The following DNAH14 variants were observed in gnomAD, a reference collection of about 807,000 sequenced individuals.
DNAH14 encodes the protein dynein axonemal heavy chain 14, also known as axonemal beta dynein heavy chain 14.
Under a neutral mutation model 520.9 loss-of-function variants are expected in DNAH14, and 478 were observed. That is an observed-to-expected ratio of 0.92 (90% CI 0.85 to 0.99). DNAH14 has a LOEUF of 0.99. DNAH14 is among the 50% of genes least tolerant of loss of function. The pLI is 0.00. For missense variants in DNAH14, 4,831 were observed against 5,234.5 expected (o/e 0.92, Z 2.38); for synonymous variants, 1,581 against 1,757.2 (o/e 0.90, Z 2.51).
chr1:225,356,269 C>A (rs886992779), intron 73 of DNAH14, among the ~76,000 whole-genome samples: 8 of 152,152 alleles, frequency 5.3e-5, no homozygotes, highest in Non-Finnish European at 7.4e-5. Flanking sequence ...TGGCCTTAGG[C>A]AACACTGAGC....
chr1:225,371,574 A>T (rs553322728), intron 77 of DNAH14, among the ~76,000 whole-genome samples: 2 of 152,312 alleles, frequency 1.3e-5, no homozygotes, highest in East Asian at 3.9e-4. Context: ...ATTTCTAGTA[A>T]ATTCAATGAG....
intron 47 of DNAH14, 24 bp downstream of exon 47, chr1:225,264,285 A>C: frequency 6.6e-7 from 1 of 1,516,918 alleles, no homozygotes; most frequent in Non-Finnish European, 8.9e-7. Context: ...TACAGTTTCA[A>C]AGCTATGCTA....
chr1:225,102,963 C>A (rs2075653800), intron 23 of DNAH14, among the ~76,000 whole-genome samples: 1 of 152,108 alleles, frequency 6.6e-6, no homozygotes, highest in Admixed American at 6.6e-5. Context: ...AAGTCCTTGG[C>A]CATGCCTATG....
intron 8 of DNAH14, among the ~76,000 whole-genome samples, chr1:224,995,778 G>A (rs1008360881): frequency 6.5e-4 from 99 of 151,578 alleles, no homozygotes; most frequent in African/African-American, 2.2e-3. Context: ...CACATGTTCT[G>A]TCTTTGACCT....
In DNAH14 at chr1:225,265,866, C is replaced by G. The variant is rs766882437; in HGVS notation, c.7410+497C>G. Among the ~76,000 whole-genome samples the G allele has an allele frequency of 1.2e-3, 178 of 151,784 alleles. 1 individual carries two copies. The highest frequency in any genetic ancestry group is 5.4e-4 in the Non-Finnish European group (37 of 67,932). On this transcript the variant is annotated intron_variant, in intron 48 of 85. Transcript: ENST00000682510. ...TAATCATACCAATAGAAAATGCAAG[C>G]AAGAGAAATTTCAGATAGTTTGTGA... is the stretch of plus-strand genomic sequence containing the variant.
intron 34 of DNAH14, among the ~76,000 whole-genome samples, chr1:225,156,546 A>T (rs1456782945): frequency 6.6e-6 from 1 of 152,150 alleles, no homozygotes; most frequent in East Asian, 1.9e-4. Flanking sequence ...CCTCAGCTCT[A>T]GTCAATCAGT....
intron 12 of DNAH14, among the ~76,000 whole-genome samples, chr1:225,039,826 C>T (rs1443609979): frequency 1.8e-5 from 2 of 112,074 alleles, no homozygotes. Context: ...TGCAGTGAGC[C>T]GAGATCCCGC....
intron 72 of DNAH14, among the ~76,000 whole-genome samples, chr1:225,352,296 G>A (rs913947366): frequency 1.3e-5 from 2 of 151,734 alleles, no homozygotes; most frequent in East Asian, 1.9e-4. Context: ...TTTCCACTTC[G>A]AACTCTCCTC....
chr1:225,058,516 G>T (rs1407113588), intron 17 of DNAH14, among the ~76,000 whole-genome samples: 4 of 152,254 alleles, frequency 2.6e-5, no homozygotes, highest in African/African-American at 7.2e-5. Flanking sequence ...AGGGTGTTTT[G>T]TGTCTCTATG....
intron 17 of DNAH14, among the ~76,000 whole-genome samples, chr1:225,066,943 G>T (rs932956011): frequency 6.6e-6 from 1 of 152,082 alleles, no homozygotes; most frequent in East Asian, 1.9e-4. Flanking sequence ...ATTGTAAAAT[G>T]TGCTGCTATA....
chr1:225,312,824 T>C (rs932845872), intron 60 of DNAH14, among the ~76,000 whole-genome samples: 8 of 152,222 alleles, frequency 5.3e-5, no homozygotes, highest in Admixed American at 2.0e-4. Context: ...AGCTTTTTAA[T>C]GTGCTGCTGG....
rs1330606414 is a variant in DNAH14 at position 225,173,619 on chromosome 1, G to A, written c.5535+5591G>A. ...AAAAAGTCAGGAAACAACAGGTGCT[G>A]GAGAGGATGTGGAGAAATAGAAACA... On this transcript the variant is annotated intron_variant, in intron 36 of 85. Coordinates refer to ENST00000682510, the MANE Select transcript of DNAH14 (RefSeq NM_001367479.1). Among the ~76,000 whole-genome samples the A allele has an allele frequency of 3.3e-5, 5 of 152,182 alleles. No individual in the cohort carries two copies. In the East Asian group the frequency reaches 9.6e-4, roughly 29 times the overall value.
intron 17 of DNAH14, among the ~76,000 whole-genome samples, chr1:225,071,345 T>G (rs977034399): frequency 1.3e-5 from 2 of 152,190 alleles, no homozygotes; most frequent in Non-Finnish European, 2.9e-5. Context: ...TATTAATGCT[T>G]CCTTTAGGAG....
At chr1:225,118,743 C>T (rs1245914811) in intron 25 of DNAH14, among the ~76,000 whole-genome samples, 2 of 151,784 alleles carry the variant, frequency 1.3e-5, no homozygotes, top group Non-Finnish European at 2.9e-5. Context: ...ATTAGCTGAT[C>T]GTGGTGGCAG....
rs1466114553 is a variant in DNAH14 at position 225,038,810 on chromosome 1, C to T, written c.1475C>T (p.Thr492Ile). 1 of 1,497,984 alleles carries T rather than the reference C, an allele frequency of 6.7e-7. No individual in the cohort carries two copies. Among genetic ancestry groups the T allele is most frequent in the Non-Finnish European group, 8.9e-7 (1 of 1,125,864 alleles). 92.8% of individuals were successfully genotyped at this position (1,497,984 alleles called of 1,614,324 possible). The change falls in exon 12 of 86, where the codon ACT becomes ATT. Residue 492 changes from threonine to isoleucine, a missense_variant. Physicochemically the swap from Thr to Ile is moderately conservative, Grantham distance 89. Coordinates refer to ENST00000682510, the MANE Select transcript of DNAH14 (RefSeq NM_001367479.1). The stretch of plus-strand genomic sequence containing the variant: ...CAAAAGTCAGAAGTAAAAACAGACA[C>T]TGATATTAATGAGGTAAAATGATCT... Reference protein sequence around the residue: ...SVQKSEVKTDTDINEILNSVE... With the variant: ...SVQKSEVKTDIDINEILNSVE...
At chr1:225,210,273 G>A (rs1357462663) in intron 41 of DNAH14, among the ~76,000 whole-genome samples, 2 of 152,114 alleles carry the variant, frequency 1.3e-5, no homozygotes, top group African/African-American at 4.8e-5. Context: ...TGAAATTCTT[G>A]CTGCCAGCAC....
chr1:225,258,361 G>A (rs1469713562), intron 45 of DNAH14, among the ~76,000 whole-genome samples: 1 of 152,070 alleles, frequency 6.6e-6, no homozygotes, highest in African/African-American at 2.4e-5. Context: ...CAGAAGTAGA[G>A]CTATTATATT....
At chr1:224,961,356 G>T (rs2060832822) in intron 4 of DNAH14, 1 of 152,084 alleles carries the variant, frequency 6.6e-6, no homozygotes, top group African/African-American at 2.4e-5. Context: ...CACTAAATTT[G>T]CAGTAATTTG....
chr1:225,130,843 A>T (rs552013585), intron 27 of DNAH14, among the ~76,000 whole-genome samples: 21 of 152,076 alleles, frequency 1.4e-4, no homozygotes, highest in East Asian at 7.7e-4. Context: ...AAAATAAAAT[A>T]AAAAAAGGAA....
Sources: gnomAD v4.1 joint callset for allele counts (sites outside exome capture counted in the v4.1 genomes callset) on GRCh38, gnomAD v4.1.1 for gene constraint, MANE v1.5 for transcripts, NCBI Gene and HGNC (gene_info 2026-07-23, HGNC 2026-07-21) for gene names.